The following STX18 variants were observed in gnomAD, a reference collection of about 807,000 sequenced individuals.
STX18 encodes the protein syntaxin 18.
A neutral mutation model predicts 50.1 loss-of-function variants in STX18; 40 were observed. The observed-to-expected ratio is 0.80, with a 90% CI of 0.62 to 1.04. The LOEUF is 1.04. STX18 is among the 50% of genes least tolerant of loss of function. The probability of loss-of-function intolerance (pLI) is 0.00; values close to 1 mark genes in which losing one functional copy is unlikely to be tolerated. For missense variants in STX18, 410 were observed against 415.8 expected, an observed-to-expected ratio of 0.99 and a Z score of 0.12; for synonymous variants, 158 against 151.8, an observed-to-expected ratio of 1.04 and a Z score of -0.30.
intron 5 of STX18, among the ~76,000 whole-genome samples, chr4:4,438,863 C>G (rs1235539200): frequency 6.6e-6 from 1 of 151,560 alleles, no homozygotes; most frequent in African/African-American, 2.4e-5. Context: ...GTAGTTGACA[C>G]TAATGCAAAA....
intron 1 of STX18, among the ~76,000 whole-genome samples, chr4:4,493,092 T>C (rs1187772940): frequency 6.6e-6 from 1 of 152,184 alleles, no homozygotes; most frequent in Admixed American, 6.6e-5. Context: ...ATCCATAAAG[T>C]GCTCAGAAAG....
intron 1 of STX18, among the ~76,000 whole-genome samples, chr4:4,538,067 T>A (rs189685693): frequency 1.3e-5 from 2 of 150,876 alleles, no homozygotes; most frequent in Non-Finnish European, 3.0e-5. Context: ...AGTTTTCTTA[T>A]CTATTAACAA....
chr4:4,516,845 C>A (rs1177718652), intron 1 of STX18, among the ~76,000 whole-genome samples: 1 of 152,008 alleles, frequency 6.6e-6, no homozygotes, highest in Non-Finnish European at 1.5e-5. Flanking sequence ...TGTTATATAA[C>A]AACATATTAT....
intron 1 of STX18, among the ~76,000 whole-genome samples, chr4:4,504,495 A>C (rs1365282850): frequency 6.6e-6 from 1 of 152,230 alleles, no homozygotes; most frequent in African/African-American, 2.4e-5. Flanking sequence ...AAACTTAGCA[A>C]GAAGTATTTA....
chr4:4,542,064 G>C, upstream of STX18: 1 of 1,295,940 alleles, frequency 7.7e-7, no homozygotes, highest in Non-Finnish European at 1.0e-6. Context: ...TGCCCCACAC[G>C]CCTCCCCCCG....
chr4:4,505,424 G>A (rs574934589), intron 1 of STX18, among the ~76,000 whole-genome samples: 2 of 152,224 alleles, frequency 1.3e-5, no homozygotes, highest in South Asian at 2.1e-4. Flanking sequence ...AGCTGATGTC[G>A]AGCATCAAGA....
chr4:4,515,097 A>G (rs1275322113), intron 1 of STX18, among the ~76,000 whole-genome samples: 1 of 152,144 alleles, frequency 6.6e-6, no homozygotes, highest in Non-Finnish European at 1.5e-5. Context: ...ATGCAACCAA[A>G]TAAAACTGCT....
At chr4:4,423,038 G>A (rs536558517) in intron 9 of STX18, among the ~76,000 whole-genome samples, 8 of 152,312 alleles carry the variant, frequency 5.3e-5, no homozygotes, top group East Asian at 3.9e-4. Flanking sequence ...GGCATGGACC[G>A]CGCGTTGTGA....
In STX18 at chr4:4,433,799, T is replaced by G. The variant is rs985401322; in HGVS notation, c.702+971A>C. ...AAGCAGCAACACAAACGCCTCAGTC[T>G]GAGAAGCTCAAGGCTGGGGAAAGAC... On this transcript the variant is annotated intron_variant, in intron 7 of 10. Coordinates refer to ENST00000306200, the MANE Select transcript of STX18 (RefSeq NM_016930.4). 6.6e-5 allele frequency among the ~76,000 whole-genome samples: 10 copies of G among 152,288 alleles called. No individual in the cohort carries two copies. The East Asian group carries it at 7.7e-4, about 12-fold the overall frequency.
chr4:4,438,962 C>A (rs149816037), intron 5 of STX18, among the ~76,000 whole-genome samples: 248 of 145,832 alleles, frequency 1.7e-3, no homozygotes, highest in African/African-American at 5.8e-3. Flanking sequence ...CACATATATA[C>A]CCCCAACACA....
At chr4:4,525,784 AAC>A (rs1476057494) in intron 1 of STX18, among the ~76,000 whole-genome samples, 2 of 152,190 alleles carry the variant, frequency 1.3e-5, no homozygotes, top group African/African-American at 2.4e-5. Flanking sequence ...ACTAGATAAA[AAC>A]ACAAAATAAT....
intron 1 of STX18, among the ~76,000 whole-genome samples, chr4:4,537,723 T>C (rs1396974384): frequency 6.6e-6 from 1 of 152,196 alleles, no homozygotes; most frequent in Non-Finnish European, 1.5e-5. Flanking sequence ...CTAACAACTT[T>C]ATAAGGTTGC....
rs747125969 is a variant in STX18, at chr4:4,496,694, G to A, written c.169-24988C>T. Among the ~76,000 whole-genome samples the A allele has an allele frequency of 3.3e-5, 5 of 152,196 alleles. 1 individual carries two copies. The highest frequency in any genetic ancestry group is 5.9e-5 in the Non-Finnish European group (4 of 68,024). Reference sequence around the variant, plus strand: ...GTGCTGCCCAATCCAACTGTGGGTAGAAAGGTTGACATCTTCTCTCTAATC... The same window carrying A: ...GTGCTGCCCAATCCAACTGTGGGTAAAAAGGTTGACATCTTCTCTCTAATC... On this transcript the variant is annotated intron_variant, in intron 1 of 10. Transcript: ENST00000306200.
chr4:4,501,805 G>A (rs768095003), intron 1 of STX18, among the ~76,000 whole-genome samples: 2 of 152,128 alleles, frequency 1.3e-5, no homozygotes, highest in Non-Finnish European at 2.9e-5. Flanking sequence ...TTTACTTCTG[G>A]TATTTAAATA....
At chr4:4,430,622 T>C (rs574787290) in intron 7 of STX18, among the ~76,000 whole-genome samples, 1 of 152,152 alleles carries the variant, frequency 6.6e-6, no homozygotes, top group East Asian at 1.9e-4. Flanking sequence ...CTCGGGACAG[T>C]GGAATGAAAC....
intron 5 of STX18, among the ~76,000 whole-genome samples, chr4:4,454,448 G>T (rs1726956548): frequency 6.6e-6 from 1 of 152,158 alleles, no homozygotes; most frequent in Non-Finnish European, 1.5e-5. Context: ...CTTTACTTGG[G>T]TACCTGTGAA....
At position 4,491,579 on chromosome 4, in the gene STX18, G is replaced by A. The variant is rs374327082; in HGVS notation, c.169-19873C>T. On this transcript the variant is annotated intron_variant, in intron 1 of 10. Coordinates refer to ENST00000306200, the MANE Select transcript of STX18 (RefSeq NM_016930.4). ...TCTACCGAAAGAGGAAGTATACTTT[G>A]GGTAAGTAAGACACTGGAAACGATT... Among the ~76,000 whole-genome samples, 22 of 152,172 alleles carry A rather than the reference G, an allele frequency of 1.4e-4. 1 individual carries two copies. Among genetic ancestry groups the A allele is most frequent in the African/African-American group, 5.3e-4 (22 of 41,556 alleles).
chr4:4,523,913 C>T (rs1730632825), intron 1 of STX18, among the ~76,000 whole-genome samples: 2 of 152,162 alleles, frequency 1.3e-5, no homozygotes, highest in Admixed American at 1.3e-4. Context: ...TAACTCAAAA[C>T]TCACCTCTCC....
At chr4:4,507,189 T>C in intron 1 of STX18, 1 of 585,970 alleles carries the variant, frequency 1.7e-6, no homozygotes, top group Non-Finnish European at 3.3e-6. Flanking sequence ...CTCTTGATGC[T>C]CAGCAGCAGC....
Sources: gnomAD v4.1 joint callset for allele counts (sites outside exome capture counted in the v4.1 genomes callset) on GRCh38, gnomAD v4.1.1 for gene constraint, MANE v1.5 for transcripts, NCBI Gene and HGNC (gene_info 2026-07-23, HGNC 2026-07-21) for gene names.